Variants in LRSAM1 observed in about 807,000 individuals in gnomAD.
The protein encoded by LRSAM1 is leucine rich repeat and sterile alpha motif containing 1, also known as E3 ubiquitin-protein ligase LRSAM1.
LRSAM1 carries 96 observed loss-of-function variants against 118.1 expected under a neutral mutation model. The ratio of observed to expected loss-of-function variants is 0.81; its 90% CI spans 0.69 to 0.96. The LOEUF is 0.96. Ranked by LOEUF, LRSAM1 falls within the 40% of genes least tolerant of loss-of-function variation. LRSAM1 has a pLI of 0.00. For synonymous variants in LRSAM1, 322 were observed against 364.2 expected (o/e 0.88, Z 1.32); for missense variants, 804 against 915.5 (o/e 0.88, Z 1.57).
Position 127,491,315 on chromosome 9 carries a change from C to T in LRSAM1, c.1503+20C>T, listed in dbSNP as rs1835924206. 6.2e-7 allele frequency: 1 copy of T among 1,600,628 alleles called. No homozygotes were observed. Among genetic ancestry groups the T allele is most frequent in the African/African-American group, 1.3e-5 (1 of 74,648 alleles). Reference sequence around the variant, plus strand: ...CTCCAGGTATGTAGGGCTCCCTGCCCCTGCCCTCCTTCACGTGGTGAGACC... The same window carrying T: ...CTCCAGGTATGTAGGGCTCCCTGCCTCTGCCCTCCTTCACGTGGTGAGACC... On this transcript the variant is annotated intron_variant, in intron 20 of 25. Coordinates refer to ENST00000300417, the MANE Select transcript of LRSAM1 (RefSeq NM_001005373.4).
chr9:127,460,872 T>TTTTC (rs1554754272), intron 7 of LRSAM1, among the ~76,000 whole-genome samples: 1 of 141,568 alleles, frequency 7.1e-6, no homozygotes, highest in African/African-American at 2.8e-5. Context: ...TTTTTTTTTT[T>TTTTC]TGAGACGGAG....
At chr9:127,483,872 AG>A (rs1172196062) in intron 16 of LRSAM1, among the ~76,000 whole-genome samples, 10 of 152,192 alleles carry the variant, frequency 6.6e-5, no homozygotes, top group Admixed American at 6.5e-4. Flanking sequence ...CATGTTGGCC[AG>A]GCTGCTCTTG....
intron 10 of LRSAM1, among the ~76,000 whole-genome samples, chr9:127,468,254 C>G (rs1268945758): frequency 1.3e-5 from 2 of 152,072 alleles, no homozygotes; most frequent in East Asian, 3.9e-4. Context: ...AGACAGTGCC[C>G]GGGCCCAGTG....
rs141910183 is a variant in LRSAM1, at chr9:127,456,259, C to T, written c.174+639C>T. Among the ~76,000 whole-genome samples, 285 of 144,194 alleles carry T rather than the reference C, an allele frequency of 2.0e-3. 3 individuals carry two copies. The East Asian group carries it at 0.042, about 21-fold the overall frequency. The allele number at this position is 144,194 out of a possible 152,430, so 94.6% of individuals were successfully genotyped here. On this transcript the variant is annotated intron_variant, in intron 5 of 25. Coordinates refer to ENST00000300417, the MANE Select transcript of LRSAM1 (RefSeq NM_001005373.4). ...GTTTTTTTTTTTTTTTGAAGACGGA[C>T]GCTCTGCTCTGTCACCCAGGCTGGA...
chr9:127,467,342 C>T (rs758506472), intron 9 of LRSAM1, among the ~76,000 whole-genome samples: 4 of 152,296 alleles, frequency 2.6e-5, no homozygotes, highest in East Asian at 1.9e-4. Flanking sequence ...CCATCCACTG[C>T]GCGTGTCCCC....
At chr9:127,458,005 T>C (rs1337593084) in intron 6 of LRSAM1, among the ~76,000 whole-genome samples, 2 of 151,546 alleles carry the variant, frequency 1.3e-5, no homozygotes, top group Admixed American at 1.3e-4. Context: ...CTGAGTTTGG[T>C]TGAATCCATA....
Position 127,458,928 on chromosome 9 carries a change from C to T in LRSAM1, c.253-75C>T, listed in dbSNP as rs927508959. 4.0e-6 allele frequency: 6 copies of T among 1,502,034 alleles called. No homozygotes were observed. The African/African-American group carries it at 5.5e-5, about 14-fold the overall frequency. 93.0% of individuals were successfully genotyped at this position (1,502,034 alleles called of 1,614,324 possible). A position where few individuals can be genotyped will look rare whatever the true frequency, so the allele number is the denominator to read the frequency against. On this transcript the variant is annotated intron_variant, in intron 6 of 25. Transcript: ENST00000300417. ...CTGGGGGTGTGAGGTGGCCCCAGCC[C>T]CTCCTCAGCGCTCTGGAGCCCGGAG...
At position 127,463,089 on chromosome 9, in the gene LRSAM1, C is replaced by T. The variant is rs553926707; in HGVS notation, c.528+716C>T. ...GTGCGCACCTGTAATCCCAGCTACT[C>T]GGGGGAGGCTGAGACAGGAGAATTG... On this transcript the variant is annotated intron_variant, in intron 9 of 25. Coordinates refer to ENST00000300417, the MANE Select transcript of LRSAM1 (RefSeq NM_001005373.4). Among the ~76,000 whole-genome samples the T allele has an allele frequency of 4.7e-5, 7 of 149,016 alleles. No individual in the cohort carries two copies. The South Asian group carries it at 1.3e-3, about 27-fold the overall frequency.
At position 127,478,918 on chromosome 9, in the gene LRSAM1, C is replaced by CT. The variant is rs759938196; in HGVS notation, c.751-9dup. The CT allele has an allele frequency of 5.0e-6, 8 of 1,613,930 alleles. No homozygotes were observed. The highest frequency in any genetic ancestry group is 2.2e-5 in the East Asian group (1 of 44,896). ...GCTGCCACCCTCTCTTGACCACTGT[C>CT]TTTTTTTCCTCCCAGAACAGGTTCT... On this transcript the variant is annotated splice_polypyrimidine_tract_variant and intron_variant, in intron 11 of 25. Coordinates refer to ENST00000300417, the MANE Select transcript of LRSAM1 (RefSeq NM_001005373.4).
At chr9:127,468,834 A>AAAAAAAC (rs1564261092) in intron 10 of LRSAM1, among the ~76,000 whole-genome samples, 2 of 110,192 alleles carry the variant, frequency 1.8e-5, no homozygotes, top group Non-Finnish European at 3.9e-5. Flanking sequence ...AAAAAAAAAA[A>AAAAAAAC]AAAAATCAGC....
intron 4 of LRSAM1, 33 bp downstream of exon 4, chr9:127,455,087 G>T (rs1433340735): frequency 3.1e-6 from 5 of 1,607,428 alleles, no homozygotes; most frequent in East Asian, 4.5e-5. Flanking sequence ...CTGTGAATTG[G>T]ATCTGTCCCG....
chr9:127,454,168 C>T (rs1333886645), intron 2 of LRSAM1, among the ~76,000 whole-genome samples: 1 of 149,770 alleles, frequency 6.7e-6, no homozygotes, highest in Non-Finnish European at 1.5e-5. Context: ...AGACGCAGCC[C>T]CTGCCTCCGT....
intron 2 of LRSAM1, chr9:127,453,403 G>A (rs1009049065): frequency 6.7e-6 from 1 of 148,480 alleles, no homozygotes. Flanking sequence ...TTTAAAAAGG[G>A]TTATGGTGAG....
chr9:127,480,983 T>A (rs1835515322), intron 14 of LRSAM1, among the ~76,000 whole-genome samples, 200 bp from the exon 15 acceptor site: 1 of 152,016 alleles, frequency 6.6e-6, no homozygotes. Flanking sequence ...CTGGCTGGGT[T>A]TTTTTATTCT....
intron 11 of LRSAM1, among the ~76,000 whole-genome samples, chr9:127,477,805 T>C (rs1835393163): frequency 6.6e-6 from 1 of 152,126 alleles, no homozygotes; most frequent in South Asian, 2.1e-4. Context: ...CCCAGCACTT[T>C]GGGAGGCCGA....
At chr9:127,480,425 C>G (rs1482568265) in intron 14 of LRSAM1, among the ~76,000 whole-genome samples, 1 of 152,194 alleles carries the variant, frequency 6.6e-6, no homozygotes, top group Non-Finnish European at 1.5e-5. Flanking sequence ...GCTGGGGAGA[C>G]ATGGCGCCAG....
At chr9:127,467,852 C>T in intron 10 of LRSAM1, 22 bp downstream of exon 10, 1 of 1,557,564 alleles carries the variant, frequency 6.4e-7, no homozygotes, top group Non-Finnish European at 8.7e-7. Flanking sequence ...CCGCTGCCTC[C>T]TCCCCTCATT....
At chr9:127,471,496 A>G (rs1298956425) in intron 10 of LRSAM1, among the ~76,000 whole-genome samples, 1 of 118,800 alleles carries the variant, frequency 8.4e-6, no homozygotes, top group Non-Finnish European at 1.9e-5. Flanking sequence ...AAAAAAAAAA[A>G]AGATTTTGGG....
At chr9:127,488,687 G>T (rs1386914527) in intron 18 of LRSAM1, among the ~76,000 whole-genome samples, 1 of 151,426 alleles carries the variant, frequency 6.6e-6, no homozygotes, top group Admixed American at 6.6e-5. Flanking sequence ...TCAAACTCCT[G>T]GGCTCAAACG....
Sources: gnomAD v4.1 joint callset for allele counts (sites outside exome capture counted in the v4.1 genomes callset) on GRCh38, gnomAD v4.1.1 for gene constraint, MANE v1.5 for transcripts, NCBI Gene and HGNC (gene_info 2026-07-23, HGNC 2026-07-21) for gene names.